Variants in UBE2N observed in about 807,000 individuals in gnomAD.
UBE2N encodes ubiquitin conjugating enzyme E2 N.
For missense variants in UBE2N, 60 were observed against 192.1 expected (o/e 0.31, Z 4.07); for synonymous variants, 70 against 69.2 (o/e 1.01, Z -0.06).
At chr12:93,429,641 A>G (rs1057253742) in intron 1 of UBE2N, among the ~76,000 whole-genome samples, 4 of 151,888 alleles carry the variant, frequency 2.6e-5, no homozygotes, top group Middle Eastern at 3.2e-3. Context: ...CACTGTTGTC[A>G]CAGGAGATGA....
At chr12:93,424,296 T>C (rs1454583203) in intron 1 of UBE2N, 1 of 152,220 alleles carries the variant, frequency 6.6e-6, no homozygotes, top group African/African-American at 2.4e-5. Context: ...AGGTTACTTC[T>C]GGTTTCAAAT....
At chr12:93,438,502 T>G (rs1475859146) in intron 1 of UBE2N, among the ~76,000 whole-genome samples, 1 of 151,112 alleles carries the variant, frequency 6.6e-6, no homozygotes, top group South Asian at 2.1e-4. Flanking sequence ...TACAGTGGAG[T>G]GACCCAGAGA....
At chr12:93,418,328 C>T (rs1878287820) in intron 1 of UBE2N, among the ~76,000 whole-genome samples, 1 of 152,092 alleles carries the variant, frequency 6.6e-6, no homozygotes, top group South Asian at 2.1e-4. Flanking sequence ...CATACCACTG[C>T]ACCCCAGCCT....
In UBE2N at chr12:93,411,767, A is replaced by G. The variant is rs1878038190; in HGVS notation, c.31-468T>C. On this transcript the variant is annotated intron_variant, in intron 1 of 3. Coordinates refer to ENST00000318066, the MANE Select transcript of UBE2N (RefSeq NM_003348.4). ...GAGTGCAGTGGCAAGATCTTGGCTC[A>G]CTGCAGCCTCGACCTCCCTGGGCCC... Among the ~76,000 whole-genome samples, 4 of 152,106 alleles carry G rather than the reference A, an allele frequency of 2.6e-5. No individual in the cohort carries two copies. The South Asian group carries it at 6.2e-4, about 24-fold the overall frequency.
chr12:93,410,729 G>T lies in UBE2N; in HGVS notation c.418+5C>A, dbSNP rs1347038747. 1 of 1,614,080 alleles carries T rather than the reference G, an allele frequency of 6.2e-7. No individual in the cohort carries two copies. The highest frequency in any genetic ancestry group is 1.7e-5 in the Admixed American group (1 of 60,016). ...GTGGTGTGAAGGAGAATGAATATTA[G>T]ATACCTGTTTCTATGGCTTGGGCTT... On this transcript the variant is annotated splice_donor_5th_base_variant and intron_variant, in intron 3 of 3. Coordinates refer to ENST00000318066, the MANE Select transcript of UBE2N (RefSeq NM_003348.4).
intron 1 of UBE2N, among the ~76,000 whole-genome samples, chr12:93,440,754 GT>G (rs1383512481): frequency 6.6e-5 from 10 of 152,170 alleles, no homozygotes; most frequent in Non-Finnish European, 1.0e-4. Flanking sequence ...AAAATTTAAG[GT>G]TTAGTTGTTG....
Position 93,416,454 on chromosome 12 carries a change from T to TTC in UBE2N, c.31-5156_31-5155insGA, listed in dbSNP as rs558085543. 1.7e-3 allele frequency among the ~76,000 whole-genome samples: 260 copies of TTC among 151,090 alleles called. 1 individual carries two copies. The highest frequency in any genetic ancestry group is 6.2e-3 in the African/African-American group (256 of 41,380). On this transcript the variant is annotated intron_variant, in intron 1 of 3. Transcript: ENST00000318066. ...TCCTACTGTTTCACTTATCTATCTTTTTTTTTTTTTTTGAGACAAGTCTCG... is the reference window on the plus strand; with the variant it reads ...TCCTACTGTTTCACTTATCTATCTTTTCTTTTTTTTTTTTGAGACAAGTCTCG...
intron 1 of UBE2N, among the ~76,000 whole-genome samples, chr12:93,415,013 T>C (rs1477981547): frequency 6.6e-6 from 1 of 152,200 alleles, no homozygotes. Context: ...AATTTCATCG[T>C]TAACATCATT....
intron 1 of UBE2N, among the ~76,000 whole-genome samples, chr12:93,432,502 G>A (rs938088890): frequency 1.3e-4 from 20 of 149,636 alleles, no homozygotes; most frequent in African/African-American, 4.7e-4. Context: ...AAACAAAACA[G>A]CTACTTACTA....
At position 93,434,801 on chromosome 12, in the gene UBE2N, T is replaced by C. The variant is rs552236523; in HGVS notation, c.30+7054A>G. Among the ~76,000 whole-genome samples the C allele has an allele frequency of 4.0e-5, 6 of 151,870 alleles. No homozygotes were observed. The East Asian group carries it at 1.2e-3, about 29-fold the overall frequency. ...GAAAGAACTAAAGAACCACTGTTCC[T>C]AGTCAAATTTTTTACAAGTTTTTTC... is the stretch of plus-strand genomic sequence containing the variant. On this transcript the variant is annotated intron_variant, in intron 1 of 3. Coordinates refer to ENST00000318066, the MANE Select transcript of UBE2N (RefSeq NM_003348.4).
At chr12:93,434,983 G>A (rs1592751215) in intron 1 of UBE2N, among the ~76,000 whole-genome samples, 2 of 151,988 alleles carry the variant, frequency 1.3e-5, no homozygotes, top group Non-Finnish European at 2.9e-5. Context: ...ATAGCTCACT[G>A]CAGCCCCGGC....
chr12:93,441,121 C>G (rs912691279), intron 1 of UBE2N: 2 of 152,624 alleles, frequency 1.3e-5, no homozygotes, highest in African/African-American at 4.8e-5. Flanking sequence ...TTCCTCGGAA[C>G]AGCTCTGAAA....
intron 3 of UBE2N, 43 bp from the exon 4 acceptor site, chr12:93,410,122 C>T: frequency 6.3e-7 from 1 of 1,579,214 alleles, no homozygotes; most frequent in Non-Finnish European, 8.7e-7. Context: ...TTACTTAGTT[C>T]AATATGTTAC....
chr12:93,413,178 T>C (rs1459691038), intron 1 of UBE2N, among the ~76,000 whole-genome samples: 2 of 152,210 alleles, frequency 1.3e-5, no homozygotes, highest in East Asian at 1.9e-4. Context: ...TTATCTTACC[T>C]AAATGCGACA....
intron 1 of UBE2N, among the ~76,000 whole-genome samples, chr12:93,419,827 TGAAAATAGCTTAA>T (rs1878351513): frequency 6.6e-6 from 1 of 152,142 alleles, no homozygotes; most frequent in South Asian, 2.1e-4. Flanking sequence ...GTAAATAAAA[TGAAAATAGCTTAA>T]GAAAACTAAT....
At chr12:93,419,796 A>G (rs1878350453) in intron 1 of UBE2N, among the ~76,000 whole-genome samples, 3 of 152,232 alleles carry the variant, frequency 2.0e-5, no homozygotes, top group Admixed American at 2.0e-4. Flanking sequence ...CGTCCTTGAA[A>G]AAGACCTATA....
intron 3 of UBE2N, 168 bp from the exon 4 acceptor site, chr12:93,410,247 T>C: frequency 1.7e-6 from 1 of 598,180 alleles, no homozygotes; most frequent in Non-Finnish European, 2.8e-6. Context: ...ATTTTGTAAA[T>C]GTCCAATTAC....
chr12:93,416,695 G>T (rs1279990098), intron 1 of UBE2N, among the ~76,000 whole-genome samples: 2 of 151,864 alleles, frequency 1.3e-5, no homozygotes, highest in Non-Finnish European at 2.9e-5. Context: ...ACCACGCCCG[G>T]CCTTATCTAT....
chr12:93,427,039 C>T (rs888349853), intron 1 of UBE2N, among the ~76,000 whole-genome samples: 1 of 152,162 alleles, frequency 6.6e-6, no homozygotes, highest in Admixed American at 6.5e-5. Context: ...CCCACCTCAG[C>T]CTCCCAAGTA....
Sources: gnomAD v4.1 joint callset for allele counts (sites outside exome capture counted in the v4.1 genomes callset) on GRCh38, gnomAD v4.1.1 for gene constraint, MANE v1.5 for transcripts, NCBI Gene and HGNC (gene_info 2026-07-23, HGNC 2026-07-21) for gene names.